Variants in PRKDC observed in about 807,000 individuals in gnomAD.
PRKDC encodes the protein DNA-dependent protein kinase catalytic subunit.
In PRKDC, 82 loss-of-function variants were observed where a neutral mutation model predicts 486.9. The observed-to-expected ratio is 0.17, with a 90% confidence interval of 0.14 to 0.20. The LOEUF (loss-of-function observed/expected upper bound fraction) is 0.20. Ranked by LOEUF, PRKDC falls within the 10% of genes least tolerant of loss-of-function variation. The probability of loss-of-function intolerance (pLI) is 1.00; values close to 1 mark genes in which losing one functional copy is unlikely to be tolerated. For missense variants in PRKDC, 4,504 were observed against 5,038.2 expected, an observed-to-expected ratio of 0.89 and a Z score of 3.21; for synonymous variants, 1,895 against 1,837.0, an observed-to-expected ratio of 1.03 and a Z score of -0.81.
chr8:47,958,748 T>C (rs1391650716), intron 1 of PRKDC, among the ~76,000 whole-genome samples: 1 of 151,710 alleles, frequency 6.6e-6, no homozygotes, highest in Non-Finnish European at 1.5e-5. Context: ...TTTTTTTTTT[T>C]TTTTTGGGAC....
intron 22 of PRKDC, among the ~76,000 whole-genome samples, chr8:47,916,706 C>G (rs1563802192): frequency 6.6e-6 from 1 of 152,178 alleles, no homozygotes; most frequent in Non-Finnish European, 1.5e-5. Flanking sequence ...CAGTTCAAAG[C>G]ACCACACAGT....
chr8:47,929,227 T>C (rs1304268304), intron 18 of PRKDC, 49 bp from the exon 19 acceptor site: 5 of 1,283,612 alleles, frequency 3.9e-6, no homozygotes, highest in Non-Finnish European at 5.5e-6. Flanking sequence ...ATCGGGAGAC[T>C]GTATCCCAAT....
intron 11 of PRKDC, among the ~76,000 whole-genome samples, chr8:47,936,879 C>T (rs922695328): frequency 3.3e-5 from 5 of 149,962 alleles, no homozygotes; most frequent in African/African-American, 9.8e-5. Flanking sequence ...CCCACCTCAG[C>T]CTCCCAAAGT....
chr8:47,830,477 G>C, intron 61 of PRKDC, 128 bp downstream of exon 61: 2 of 1,306,134 alleles, frequency 1.5e-6, no homozygotes, highest in Non-Finnish European at 2.1e-6. Flanking sequence ...CAAGTCCACC[G>C]TTGAGGACAA....
chr8:47,777,825 A>T lies in PRKDC; in HGVS notation c.11903T>A (p.Ile3968Asn). The T allele has an allele frequency of 6.2e-7, 1 of 1,614,032 alleles. No homozygotes were observed. The highest frequency in any genetic ancestry group is 8.5e-7 in the Non-Finnish European group (1 of 1,179,902). ...TTCTTTCATTGGTAACATCAGATTG[A>T]TAAACTGGCGAGTTAGCCGAAAAGG... ...LMPFRLTRQF[I>N]NLMLPMKETG... The change falls in exon 84 of 86, where the codon ATC becomes AAC. Residue 3968 changes from isoleucine (I) to asparagine (N), a missense_variant. Physicochemically the swap from Ile to Asn is moderately radical, Grantham distance 149. Transcript: ENST00000314191.
Position 47,853,397 on chromosome 8 carries a change from G to A in PRKDC, c.6894-613C>T, listed in dbSNP as rs550514242. On this transcript the variant is annotated intron_variant, in intron 51 of 85. Coordinates refer to ENST00000314191, the MANE Select transcript of PRKDC (RefSeq NM_006904.7). The stretch of plus-strand genomic sequence containing the variant: ...GACGGTGCTGGGGGGCCAACACGGA[G>A]GACCAAACAGAGAGAGTGATTGGGC... Among the ~76,000 whole-genome samples, 320 of 152,344 alleles carry A rather than the reference G, an allele frequency of 2.1e-3. 1 individual carries two copies. The highest frequency in any genetic ancestry group is 4.7e-3 in the Admixed American group (72 of 15,310).
At position 47,858,488 on chromosome 8, in the gene PRKDC, A is replaced by G. The variant is rs939348585; in HGVS notation, c.6465+28T>C. On this transcript the variant is annotated intron_variant, in intron 48 of 85. Coordinates refer to ENST00000314191, the MANE Select transcript of PRKDC (RefSeq NM_006904.7). ...TAAACAGACTTACAGAATCTATTCA[A>G]AGAATAAAGAAATAATCAATTACTT... The G allele has an allele frequency of 9.8e-6, 14 of 1,432,466 alleles. No homozygotes were observed. In the African/African-American group the frequency reaches 2.0e-4, roughly 21 times the overall value. 88.7% of individuals were successfully genotyped at this position (1,432,466 alleles called of 1,614,324 possible). A position where few individuals can be genotyped will look rare whatever the true frequency, so the allele number is the denominator to read the frequency against.
At chr8:47,784,999 A>T in intron 77 of PRKDC, 114 bp downstream of exon 77, 1 of 1,067,584 alleles carries the variant, frequency 9.4e-7, no homozygotes, top group South Asian at 1.5e-5. Context: ...AAAATTCTTT[A>T]AAAAAAGAAA....
intron 40 of PRKDC, among the ~76,000 whole-genome samples, chr8:47,867,506 T>C (rs985732362): frequency 6.6e-6 from 1 of 152,196 alleles, no homozygotes; most frequent in African/African-American, 2.4e-5. Context: ...CTAAGAAAAT[T>C]ATAGCTAAAA....
intron 21 of PRKDC, among the ~76,000 whole-genome samples, chr8:47,918,897 CTA>C (rs2090030643): frequency 6.6e-6 from 1 of 152,008 alleles, no homozygotes; most frequent in South Asian, 2.1e-4. Context: ...GATACTAAAA[CTA>C]TTATGGTGAG....
intron 61 of PRKDC, among the ~76,000 whole-genome samples, chr8:47,830,230 C>A (rs887538143): frequency 6.6e-6 from 1 of 152,226 alleles, no homozygotes; most frequent in Non-Finnish European, 1.5e-5. Flanking sequence ...TGGTAACCTG[C>A]TGTTTTTATG....
At chr8:47,830,844 G>A (rs1196864725) in intron 60 of PRKDC, 108 bp from the exon 61 acceptor site, 1 of 1,391,176 alleles carries the variant, frequency 7.2e-7, no homozygotes, top group African/African-American at 1.4e-5. Flanking sequence ...GGGCGAAGTG[G>A]TGGGAACTGA....
intron 83 of PRKDC, among the ~76,000 whole-genome samples, chr8:47,778,228 C>A (rs989200676): frequency 1.3e-5 from 2 of 152,148 alleles, no homozygotes; most frequent in Non-Finnish European, 2.9e-5. Context: ...CTTTGATCTG[C>A]GAACACATTT....
At chr8:47,949,751 A>T (rs2090596928) in intron 7 of PRKDC, among the ~76,000 whole-genome samples, 1 of 152,186 alleles carries the variant, frequency 6.6e-6, no homozygotes, top group Non-Finnish European at 1.5e-5. Context: ...TGGGAGCCAT[A>T]GGATACAGGA....
rs1589797567 is a variant in PRKDC at position 47,927,061 on chromosome 8, A to G, written c.2419+133T>C. The G allele has an allele frequency of 6.9e-6, 6 of 870,258 alleles. No homozygotes were observed. In the East Asian group the frequency reaches 1.7e-4, roughly 25 times the overall value. The allele number at this position is 870,258 out of a possible 1,614,324, so 53.9% of individuals were successfully genotyped here. A position where few individuals can be genotyped will look rare whatever the true frequency, so the allele number is the denominator to read the frequency against. On this transcript the variant is annotated intron_variant, in intron 21 of 85. Coordinates refer to ENST00000314191, the MANE Select transcript of PRKDC (RefSeq NM_006904.7). Reference sequence around the variant, plus strand: ...AGTCAGATAAATTAGGGAAATTACAAAAATAGCAATCAAACATATTTTGAA... The same window carrying G: ...AGTCAGATAAATTAGGGAAATTACAGAAATAGCAATCAAACATATTTTGAA...
intron 25 of PRKDC, among the ~76,000 whole-genome samples, chr8:47,906,729 T>G (rs2089789910): frequency 6.6e-6 from 1 of 151,444 alleles, no homozygotes; most frequent in African/African-American, 2.4e-5. Flanking sequence ...ATAGGAGTAC[T>G]GAGCCATCCA....
At chr8:47,817,125 G>A (rs568402424) in intron 68 of PRKDC, among the ~76,000 whole-genome samples, 7 of 152,284 alleles carry the variant, frequency 4.6e-5, no homozygotes, top group Admixed American at 6.5e-5. Flanking sequence ...TTATGTAGTC[G>A]TCTTCTTTGT....
chr8:47,929,924 G>A lies in PRKDC; in HGVS notation c.1981C>T (p.Pro661Ser). 1.2e-6 allele frequency: 2 copies of A among 1,609,136 alleles called. No homozygotes were observed. Among genetic ancestry groups the A allele is most frequent in the South Asian group, 1.1e-5 (1 of 89,390 alleles). ...AATTTGTAGAAACCACTGATGAGGG[G>A]CAACCTTGTAGATTGCAAAATTAAT... is the stretch of plus-strand genomic sequence containing the variant. Reference protein sequence around the residue: ...YELILQSTRLPLISGFYKLLS... With the variant: ...YELILQSTRLSLISGFYKLLS... Residue 661 changes from proline to serine, a missense_variant, in exon 18 of 86, where the codon CCC becomes TCC. Pro to Ser is a moderately conservative substitution (Grantham distance 74). Coordinates refer to ENST00000314191, the MANE Select transcript of PRKDC (RefSeq NM_006904.7).
chr8:47,914,245 G>A (rs949094921), intron 23 of PRKDC, among the ~76,000 whole-genome samples, 181 bp from the exon 24 acceptor site: 8 of 151,850 alleles, frequency 5.3e-5, no homozygotes, highest in Non-Finnish European at 7.4e-5. Flanking sequence ...GAAATCACTC[G>A]ATTTAATTTA....
Sources: allele counts gnomAD v4.1 joint callset (sites outside exome capture counted in the v4.1 genomes callset), GRCh38; gene constraint gnomAD v4.1.1; transcripts MANE v1.5; gene names NCBI Gene and HGNC (gene_info 2026-07-23, HGNC 2026-07-21).